KRT73: variants seen among roughly 807,000 people sequenced by gnomAD.
The protein encoded by KRT73 is keratin 73, also known as keratin, type II cytoskeletal 73.
A neutral mutation model predicts 47.2 loss-of-function variants in KRT73; 44 were observed. That is an observed-to-expected ratio of 0.93 (90% confidence interval 0.73 to 1.20). The LOEUF (loss-of-function observed/expected upper bound fraction) is 1.20, where lower values mean the gene tolerates loss of function less well. Among genes scored for constraint, KRT73 ranks in the 50% most tolerant of loss-of-function variants. The probability of loss-of-function intolerance (pLI) is 0.00; values close to 1 mark genes in which losing one functional copy is unlikely to be tolerated. For missense variants in KRT73, 713 were observed against 704.5 expected, an observed-to-expected ratio of 1.01 and a Z score of -0.14; for synonymous variants, 285 against 291.3, an observed-to-expected ratio of 0.98 and a Z score of 0.22.
At chr12:52,613,610 T>C in intron 5 of KRT73, 78 bp downstream of exon 5, 9 of 1,577,864 alleles carry the variant, frequency 5.7e-6, no homozygotes, top group Non-Finnish European at 7.8e-6. Context: ...GCCACCACAG[T>C]GAGTCATGGG....
chr12:52,628,846 C>G, the KRT73 span, among the ~76,000 whole-genome samples: 1 of 152,260 alleles, frequency 6.6e-6, no homozygotes, highest in East Asian at 1.9e-4. Context: ...CCATAGAAGA[C>G]AAAAAGGTGG....
At chr12:52,626,490 CAGG>C in the KRT73 span, among the ~76,000 whole-genome samples, 2 of 152,236 alleles carry the variant, frequency 1.3e-5, no homozygotes, top group African/African-American at 4.8e-5. Flanking sequence ...AACCCACTCT[CAGG>C]AGTTGTGCCT....
At chr12:52,617,785 A>C (rs575144022) in intron 1 of KRT73, among the ~76,000 whole-genome samples, 2 of 152,196 alleles carry the variant, frequency 1.3e-5, no homozygotes, top group East Asian at 3.9e-4. Flanking sequence ...GGCTTTGTCC[A>C]GTTCCTCCCT....
chr12:52,616,418 AG>A (rs1940815883), intron 1 of KRT73, 38 bp from the exon 2 acceptor site: 2 of 1,608,394 alleles, frequency 1.2e-6, no homozygotes, highest in Non-Finnish European at 1.7e-6. Flanking sequence ...CAATGTGGAG[AG>A]GGGATGTGAG....
rs754369318 is a variant in KRT73 at position 52,611,270 on chromosome 12, A to G, written c.1044T>C (p.Asn348=). ...TGAGACGGGTCAGCTCTGAGATCTCATTTTTGGTGTGTTTCAGGTCATCCC... is the reference window on the plus strand; with the variant it reads ...TGAGACGGGTCAGCTCTGAGATCTCGTTTTTGGTGTGTTTCAGGTCATCCC... The part of the protein sequence containing the change: ...RHGDDLKHTK[N]EISELTRLIQ... Residue 348 remains asparagine, a synonymous_variant, in exon 6 of 9, where the codon AAT becomes AAC. Transcript: ENST00000305748. The G allele has an allele frequency of 1.2e-6, 2 of 1,613,884 alleles. No homozygotes were observed. Among genetic ancestry groups the G allele is most frequent in the Non-Finnish European group, 1.7e-6 (2 of 1,180,000 alleles).
chr12:52,615,593 C>A (rs1421178473), intron 2 of KRT73, among the ~76,000 whole-genome samples: 1 of 152,050 alleles, frequency 6.6e-6, no homozygotes, highest in Non-Finnish European at 1.5e-5. Context: ...GTAGGTTCTT[C>A]CTCTTCCCAC....
the KRT73 span, among the ~76,000 whole-genome samples, chr12:52,626,147 C>T: frequency 1.9e-3 from 284 of 152,312 alleles, no homozygotes; most frequent in Middle Eastern, 0.014. Flanking sequence ...TTACTGAGCA[C>T]ATTAATAAAT....
intron 4 of KRT73, chr12:52,614,104 G>A (rs1172070144): frequency 2.2e-6 from 1 of 445,828 alleles, no homozygotes; most frequent in Non-Finnish European, 4.0e-6. Flanking sequence ...CAGGAGTGGG[G>A]AAGGTGGAAG....
chr12:52,610,659 A>C lies in KRT73; in HGVS notation c.1287T>G (p.Ile429Met), dbSNP rs781107222. The change falls in exon 7 of 9, where the codon ATT becomes ATG. Residue 429 changes from isoleucine (I) to methionine (M), a missense_variant. Coordinates refer to ENST00000305748, the MANE Select transcript of KRT73 (RefSeq NM_175068.3). ...ELLSVKLSLD[I>M]EIATYRKLLE... The stretch of plus-strand genomic sequence containing the variant: ...GCAGCTTGCGGTAGGTGGCGATCTC[A>C]ATATCCAGGGACAGCTTCACGCTCA... 2 of 1,613,120 alleles carry C rather than the reference A, an allele frequency of 1.2e-6. No individual in the cohort carries two copies. Among genetic ancestry groups the C allele is most frequent in the East Asian group, 4.5e-5 (2 of 44,808 alleles).
At chr12:52,614,920 C>T (rs1208233222) in intron 3 of KRT73, 1 of 530,094 alleles carries the variant, frequency 1.9e-6, no homozygotes. Context: ...CTCTATACCC[C>T]ACTCAGCCAG....
Position 52,610,785 on chromosome 12 carries a change from A to G in KRT73, c.1161T>C (p.Cys387=), listed in dbSNP as rs774006711. ...GCTTGGCCCTGGCATCCTTGAGGGCACAGTCCCCCCGCTGCTCGGCGTCAG... is the reference window on the plus strand; with the variant it reads ...GCTTGGCCCTGGCATCCTTGAGGGCGCAGTCCCCCCGCTGCTCGGCGTCAG... ...AIADAEQRGD[C]ALKDARAKLD... The change falls in exon 7 of 9, where the codon TGT becomes TGC. Residue 387 remains cysteine (C), a synonymous_variant. Coordinates refer to ENST00000305748, the MANE Select transcript of KRT73 (RefSeq NM_175068.3). 1 of 1,613,650 alleles carries G rather than the reference A, an allele frequency of 6.2e-7. No homozygotes were observed. The highest frequency in any genetic ancestry group is 1.1e-5 in the South Asian group (1 of 91,052).
At chr12:52,614,753 G>A (rs1940777921) in intron 3 of KRT73, 79 bp from the exon 4 acceptor site, 16 of 1,163,286 alleles carry the variant, frequency 1.4e-5, no homozygotes, top group Non-Finnish European at 1.6e-5. Flanking sequence ...ACACCTGCAG[G>A]CCCTGCCCTA....
At chr12:52,610,552 C>CCCAA in intron 7 of KRT73, 63 bp downstream of exon 7, 1 of 1,169,926 alleles carries the variant, frequency 8.5e-7, no homozygotes, top group Non-Finnish European at 1.2e-6. Context: ...CGCCCCCAAC[C>CCCAA]ACACTCTGGG....
upstream of KRT73, among the ~76,000 whole-genome samples, chr12:52,621,225 G>A (rs1432082179): frequency 7.1e-6 from 1 of 140,586 alleles, no homozygotes; most frequent in Non-Finnish European, 1.5e-5. Flanking sequence ...GGGCTGTCCT[G>A]CCATTAGCCT....
the KRT73 span, among the ~76,000 whole-genome samples, chr12:52,630,637 A>T: frequency 6.6e-6 from 1 of 151,656 alleles, no homozygotes; most frequent in Non-Finnish European, 1.5e-5. Flanking sequence ...ATCTATCTTA[A>T]CCCCACTCTC....
rs538290958 is a variant in KRT73 at position 52,608,113 on chromosome 12, T to A, written c.*83A>T. On this transcript the variant is annotated 3_prime_UTR_variant, in exon 9 of 9. Coordinates refer to ENST00000305748, the MANE Select transcript of KRT73 (RefSeq NM_175068.3). ...AAAGCAAGAAGGAGATGAGGACAAA[T>A]GAGACAGAGGAATTTCCTAGAAGAG... The A allele has an allele frequency of 6.9e-7, 1 of 1,440,720 alleles. No individual in the cohort carries two copies. Among genetic ancestry groups the A allele is most frequent in the Non-Finnish European group, 9.4e-7 (1 of 1,061,834 alleles). The allele number at this position is 1,440,720 out of a possible 1,614,324, so 89.2% of individuals were successfully genotyped here.
chr12:52,628,113 T>C, the KRT73 span, among the ~76,000 whole-genome samples: 1 of 151,966 alleles, frequency 6.6e-6, no homozygotes, highest in African/African-American at 2.4e-5. Flanking sequence ...GGATGCAAGA[T>C]CTCCTTCATA....
rs766274581 is a variant in KRT73 at position 52,611,142 on chromosome 12, G to A, written c.1110+62C>T. The A allele has an allele frequency of 7.7e-5, 122 of 1,587,288 alleles. No homozygotes were observed. The Admixed American group carries it at 1.0e-3, about 13-fold the overall frequency. The stretch of plus-strand genomic sequence containing the variant: ...GATGCTCAAGAGAAGGAGGGGGCAG[G>A]GGGTGCTAAGCAGTTCACCCCTCCC... On this transcript the variant is annotated intron_variant, in intron 6 of 8. Coordinates refer to ENST00000305748, the MANE Select transcript of KRT73 (RefSeq NM_175068.3).
chr12:52,614,016 C>A lies in KRT73; in HGVS notation c.820-164G>T. ...AGCTCACAGCCCAGAGGTTCCAATA[C>A]CACATCTGAAAACTGCTGAATGGGT... On this transcript the variant is annotated intron_variant, in intron 4 of 8. Transcript: ENST00000305748. 2.9e-6 allele frequency: 3 copies of A among 1,040,442 alleles called. No homozygotes were observed. In the East Asian group the frequency reaches 7.7e-5, roughly 27 times the overall value. 64.5% of individuals were successfully genotyped at this position (1,040,442 alleles called of 1,614,324 possible).
Sources: allele counts gnomAD v4.1 joint callset (sites outside exome capture counted in the v4.1 genomes callset), GRCh38; gene constraint gnomAD v4.1.1; transcripts MANE v1.5; gene names NCBI Gene and HGNC (gene_info 2026-07-23, HGNC 2026-07-21).